The following PDGFD variants were observed in gnomAD, a reference collection of about 807,000 sequenced individuals.
PDGFD encodes platelet derived growth factor D.
Under a neutral mutation model 44.7 loss-of-function variants are expected in PDGFD, and 30 were observed. The observed-to-expected ratio is 0.67, with a 90% CI of 0.50 to 0.91. PDGFD has a LOEUF of 0.91. Among genes scored for constraint, PDGFD ranks in the 40% least tolerant of loss-of-function variants. PDGFD has a pLI of 0.00. For synonymous variants in PDGFD, 173 were observed against 168.4 expected, an observed-to-expected ratio of 1.03 and a Z score of -0.21; for missense variants, 445 against 457.8, an observed-to-expected ratio of 0.97 and a Z score of 0.25.
intron 1 of PDGFD, among the ~76,000 whole-genome samples, chr11:104,125,471 A>T (rs2119825101): frequency 6.6e-6 from 1 of 152,260 alleles, no homozygotes; most frequent in Middle Eastern, 3.4e-3. Context: ...GAGAATTTCT[A>T]CCTTAACGAA....
chr11:103,934,223 T>A (rs1263166971), intron 5 of PDGFD, among the ~76,000 whole-genome samples: 1 of 152,172 alleles, frequency 6.6e-6, no homozygotes, highest in Non-Finnish European at 1.5e-5. Context: ...CTTGTTAAGA[T>A]TAAATGAGTT....
At chr11:103,977,794 G>T (rs570284013) in intron 3 of PDGFD, among the ~76,000 whole-genome samples, 1 of 152,010 alleles carries the variant, frequency 6.6e-6, no homozygotes, top group Non-Finnish European at 1.5e-5. Flanking sequence ...TTATGTATTT[G>T]AGGGTAATGG....
At chr11:103,929,618 C>T (rs1858369726) in intron 5 of PDGFD, among the ~76,000 whole-genome samples, 1 of 152,192 alleles carries the variant, frequency 6.6e-6, no homozygotes. Context: ...TCACTAAGAA[C>T]TGTGACCCAG....
At chr11:103,928,831 G>A (rs1188406504) in intron 5 of PDGFD, among the ~76,000 whole-genome samples, 1 of 152,164 alleles carries the variant, frequency 6.6e-6, no homozygotes, top group Non-Finnish European at 1.5e-5. Flanking sequence ...TGCAAGCAAA[G>A]CAGAAAGGAT....
At chr11:103,992,585 T>C (rs1591111159) in intron 3 of PDGFD, among the ~76,000 whole-genome samples, 2 of 152,218 alleles carry the variant, frequency 1.3e-5, no homozygotes, top group East Asian at 3.9e-4. Context: ...GTATGCTTTA[T>C]GGTAAGGCAC....
intron 5 of PDGFD, among the ~76,000 whole-genome samples, chr11:103,938,388 T>A (rs1787405484): frequency 6.6e-6 from 1 of 152,208 alleles, no homozygotes; most frequent in South Asian, 2.1e-4. Flanking sequence ...TTCACCCACT[T>A]TTTGATGGGG....
intron 3 of PDGFD, among the ~76,000 whole-genome samples, chr11:103,987,393 C>T (rs1872902): frequency 0.27 from 41,196 of 151,940 alleles, 6,387 homozygotes; most frequent in East Asian, 0.46. Flanking sequence ...CACAATGTAC[C>T]TCCTTGCTGG....
intron 1 of PDGFD, among the ~76,000 whole-genome samples, chr11:104,063,408 G>C (rs553591011): frequency 1.1e-4 from 16 of 151,592 alleles, no homozygotes; most frequent in Non-Finnish European, 2.2e-4. Context: ...CAATAATTAG[G>C]TTATCCTGGG....
intron 1 of PDGFD, chr11:104,037,142 C>T (rs747931767): frequency 1.2e-6 from 2 of 1,613,844 alleles, no homozygotes; most frequent in South Asian, 1.1e-5. Flanking sequence ...ACGTCCAGCT[C>T]CCGTCCACAG....
intron 1 of PDGFD, among the ~76,000 whole-genome samples, chr11:104,117,077 A>G (rs1307300529): frequency 6.6e-6 from 1 of 152,046 alleles, no homozygotes; most frequent in Non-Finnish European, 1.5e-5. Flanking sequence ...ATGGTTTAAC[A>G]TATGCAAGTC....
intron 3 of PDGFD, among the ~76,000 whole-genome samples, chr11:103,994,718 A>C (rs1376169245): frequency 6.6e-6 from 1 of 152,170 alleles, no homozygotes; most frequent in African/African-American, 2.4e-5. Flanking sequence ...AACCGAAAGA[A>C]AGTGAAAATT....
At chr11:104,106,781 T>A (rs1318582788) in intron 1 of PDGFD, among the ~76,000 whole-genome samples, 1 of 151,856 alleles carries the variant, frequency 6.6e-6, no homozygotes, top group Non-Finnish European at 1.5e-5. Flanking sequence ...TCTCACTCTG[T>A]TGCCCAGGTT....
intron 1 of PDGFD, among the ~76,000 whole-genome samples, chr11:104,008,383 T>C (rs1859735365): frequency 6.6e-6 from 1 of 152,164 alleles, no homozygotes. Context: ...TTTTATTATA[T>C]TAGCATTAGA....
intron 1 of PDGFD, among the ~76,000 whole-genome samples, chr11:104,079,867 T>C (rs1861018997): frequency 6.6e-6 from 1 of 152,208 alleles, no homozygotes; most frequent in Non-Finnish European, 1.5e-5. Context: ...GAAAATATGA[T>C]TTAATGGCAT....
chr11:103,990,020 T>C (rs1859426815), intron 3 of PDGFD, among the ~76,000 whole-genome samples: 1 of 152,182 alleles, frequency 6.6e-6, no homozygotes, highest in Admixed American at 6.5e-5. Context: ...GATACTTTTG[T>C]AGCATCTCAC....
chr11:103,925,895 A>T (rs12274654), intron 6 of PDGFD, among the ~76,000 whole-genome samples: 21,140 of 151,352 alleles, frequency 0.14, 2,170 homozygotes, highest in African/African-American at 0.29. Flanking sequence ...CGCCTGGCTA[A>T]TTTTTGTATT....
chr11:103,983,344 T>C (rs1449627971), intron 3 of PDGFD, among the ~76,000 whole-genome samples: 1 of 151,758 alleles, frequency 6.6e-6, no homozygotes, highest in Non-Finnish European at 1.5e-5. Context: ...CAGTAAATGG[T>C]GCTGTGAGAA....
At chr11:104,009,331 C>T (rs1859748542) in intron 1 of PDGFD, among the ~76,000 whole-genome samples, 2 of 152,060 alleles carry the variant, frequency 1.3e-5, no homozygotes, top group Non-Finnish European at 1.5e-5. Context: ...AAATCGGTGA[C>T]TGACTAGATT....
intron 3 of PDGFD, among the ~76,000 whole-genome samples, chr11:103,968,210 G>A (rs1859050033): frequency 6.6e-6 from 1 of 152,048 alleles, no homozygotes; most frequent in African/African-American, 2.4e-5. Flanking sequence ...CGAATTGTCA[G>A]CATTTCCCAG....
Sources: gnomAD v4.1 joint callset for allele counts (sites outside exome capture counted in the v4.1 genomes callset) on GRCh38, gnomAD v4.1.1 for gene constraint, MANE v1.5 for transcripts, NCBI Gene and HGNC (gene_info 2026-07-23, HGNC 2026-07-21) for gene names.